NPAS3: variants seen among roughly 807,000 people sequenced by gnomAD.
NPAS3 encodes the protein neuronal PAS domain protein 3.
NPAS3 carries 14 observed loss-of-function variants against 73.1 expected under a neutral mutation model. The ratio of observed to expected loss-of-function variants is 0.19; its 90% CI spans 0.13 to 0.30. The LOEUF (loss-of-function observed/expected upper bound fraction) is 0.30. NPAS3 is among the 10% of genes least tolerant of loss of function. The probability of loss-of-function intolerance (pLI) is 1.00; values close to 1 mark genes in which losing one functional copy is unlikely to be tolerated. For missense variants in NPAS3, 1,096 were observed against 1,250.0 expected (o/e 0.88, Z 1.86); for synonymous variants, 620 against 541.5 (o/e 1.14, Z -2.01).
chr14:33,563,517 T>TACACACACACACACAC (rs146854404), intron 5 of NPAS3, among the ~76,000 whole-genome samples: 21 of 106,944 alleles, frequency 2.0e-4, no homozygotes, highest in African/African-American at 7.0e-4. Context: ...TACACATACA[T>TACACACACACACACAC]ACACACACAC....
chr14:33,353,348 G>T (rs2045171135), intron 3 of NPAS3, among the ~76,000 whole-genome samples: 1 of 152,162 alleles, frequency 6.6e-6, no homozygotes. Context: ...GTGGGTATTT[G>T]ACAGATCTTG....
At chr14:33,678,899 A>G (rs987365425) in intron 6 of NPAS3, among the ~76,000 whole-genome samples, 1 of 152,200 alleles carries the variant, frequency 6.6e-6, no homozygotes, top group African/African-American at 2.4e-5. Flanking sequence ...TAGCATGCAT[A>G]AAATAACCCT....
chr14:33,450,469 TA>T (rs2049740473), intron 4 of NPAS3, among the ~76,000 whole-genome samples: 1 of 152,222 alleles, frequency 6.6e-6, no homozygotes, highest in African/African-American at 2.4e-5. Flanking sequence ...ACTATTTTTT[TA>T]ATTCCTGTGT....
chr14:32,956,799 GAT>G (rs984254779), intron 1 of NPAS3, among the ~76,000 whole-genome samples: 10 of 152,092 alleles, frequency 6.6e-5, no homozygotes, highest in African/African-American at 2.2e-4. Context: ...AATCACTTTT[GAT>G]ATGTTTATGT....
intron 4 of NPAS3, among the ~76,000 whole-genome samples, chr14:33,531,477 TTCAC>T (rs2054041417): frequency 6.6e-6 from 1 of 152,134 alleles, no homozygotes; most frequent in African/African-American, 2.4e-5. Flanking sequence ...ACTGGCTTCT[TTCAC>T]TCAGCGTAAT....
chr14:32,952,317 T>C (rs1321214855), intron 1 of NPAS3, among the ~76,000 whole-genome samples: 3 of 152,126 alleles, frequency 2.0e-5, no homozygotes, highest in Non-Finnish European at 4.4e-5. Context: ...CCGTAACTCC[T>C]TTTTCCCCCT....
intron 2 of NPAS3, among the ~76,000 whole-genome samples, chr14:33,184,889 A>G (rs187952143): frequency 6.6e-6 from 1 of 152,292 alleles, no homozygotes; most frequent in Non-Finnish European, 1.5e-5. Context: ...GAACATAGGG[A>G]AGGCCAATAG....
intron 4 of NPAS3, among the ~76,000 whole-genome samples, chr14:33,502,185 G>A (rs967644162): frequency 6.6e-6 from 1 of 151,932 alleles, no homozygotes; most frequent in African/African-American, 2.4e-5. Flanking sequence ...GCTGGGGTTA[G>A]TGAAAACAGT....
intron 7 of NPAS3, among the ~76,000 whole-genome samples, chr14:33,763,446 T>C (rs1368377372): frequency 6.6e-6 from 1 of 152,138 alleles, no homozygotes; most frequent in African/African-American, 2.4e-5. Context: ...AGAATGGAGA[T>C]AGAAAGTTAC....
chr14:33,438,422 A>AG lies in NPAS3; in HGVS notation c.468+71159dup, dbSNP rs537255557. 7.3e-4 allele frequency among the ~76,000 whole-genome samples: 111 copies of AG among 152,310 alleles called. 1 individual carries two copies. The highest frequency in any genetic ancestry group is 4.8e-3 in the Admixed American group (73 of 15,296). ...TTTCCTGGCCGAATGGGGGAAGCAC[A>AG]GGGGGAAAAAAAGACATCATAGCAA... On this transcript the variant is annotated intron_variant, in intron 4 of 11. Transcript: ENST00000356141.
intron 5 of NPAS3, among the ~76,000 whole-genome samples, chr14:33,628,603 T>G (rs576811764): frequency 6.6e-6 from 1 of 152,374 alleles, no homozygotes; most frequent in Non-Finnish European, 1.5e-5. Context: ...TTTATTGAGC[T>G]GGTTGGTCCA....
intron 4 of NPAS3, among the ~76,000 whole-genome samples, chr14:33,490,852 C>G (rs1485894161): frequency 6.6e-6 from 1 of 152,188 alleles, no homozygotes; most frequent in African/African-American, 2.4e-5. Context: ...GATGCCGCTG[C>G]CAGTAGCACC....
intron 3 of NPAS3, among the ~76,000 whole-genome samples, chr14:33,225,070 C>T (rs2047577100): frequency 6.6e-6 from 1 of 152,168 alleles, no homozygotes; most frequent in African/African-American, 2.4e-5. Flanking sequence ...GCCTTTCTAA[C>T]TGGTCAATAT....
At chr14:33,086,131 G>T (rs1385295784) in intron 2 of NPAS3, among the ~76,000 whole-genome samples, 1 of 152,130 alleles carries the variant, frequency 6.6e-6, no homozygotes, top group Non-Finnish European at 1.5e-5. Context: ...TAAAAATGAT[G>T]TGTATTTTTC....
At chr14:32,994,121 G>A (rs765247278) in intron 1 of NPAS3, among the ~76,000 whole-genome samples, 10 of 152,108 alleles carry the variant, frequency 6.6e-5, no homozygotes, top group Non-Finnish European at 1.2e-4. Context: ...TGGGGGAGCT[G>A]GAGGAAGGGG....
intron 2 of NPAS3, among the ~76,000 whole-genome samples, chr14:33,090,027 C>G (rs897242173): frequency 6.6e-6 from 1 of 152,204 alleles, no homozygotes; most frequent in Non-Finnish European, 1.5e-5. Context: ...ACAACCACTA[C>G]TAACCACTGC....
At chr14:33,378,607 G>C (rs895781952) in intron 4 of NPAS3, among the ~76,000 whole-genome samples, 1 of 152,106 alleles carries the variant, frequency 6.6e-6, no homozygotes, top group Non-Finnish European at 1.5e-5. Context: ...GTGCACTCCA[G>C]TCCGGGAGAC....
intron 2 of NPAS3, among the ~76,000 whole-genome samples, chr14:33,191,217 G>A (rs771517275): frequency 1.3e-5 from 2 of 152,066 alleles, no homozygotes; most frequent in Non-Finnish European, 2.9e-5. Context: ...TCTTTCTGGG[G>A]TATCACTTAG....
At chr14:33,241,007 A>G (rs1197026802) in intron 3 of NPAS3, among the ~76,000 whole-genome samples, 2 of 151,916 alleles carry the variant, frequency 1.3e-5, no homozygotes, top group East Asian at 3.9e-4. Context: ...CATGAGGCTA[A>G]CCTCAGCAGA....
Sources: gnomAD v4.1 joint callset for allele counts (sites outside exome capture counted in the v4.1 genomes callset) on GRCh38, gnomAD v4.1.1 for gene constraint, MANE v1.5 for transcripts, NCBI Gene and HGNC (gene_info 2026-07-23, HGNC 2026-07-21) for gene names.